FHOD3: variants seen among roughly 807,000 people sequenced by gnomAD.
FHOD3 encodes the protein formin homology 2 domain containing 3.
FHOD3 carries 90 observed loss-of-function variants against 173.0 expected under a neutral mutation model. The ratio of observed to expected loss-of-function variants is 0.52; its 90% CI spans 0.44 to 0.62. The LOEUF (loss-of-function observed/expected upper bound fraction) is 0.62. Ranked by LOEUF, FHOD3 falls within the 20% of genes least tolerant of loss-of-function variation. FHOD3 has a pLI of 0.00. For missense variants in FHOD3, 1,945 were observed against 2,034.7 expected, an observed-to-expected ratio of 0.96 and a Z score of 0.85; for synonymous variants, 828 against 823.0, an observed-to-expected ratio of 1.01 and a Z score of -0.10.
At chr18:36,776,486 T>G (rs1222316915) in intron 28 of FHOD3, among the ~76,000 whole-genome samples, 1 of 152,166 alleles carries the variant, frequency 6.6e-6, no homozygotes, top group Non-Finnish European at 1.5e-5. Context: ...GTCTTTCAAG[T>G]GGTGAGGTGA....
chr18:36,517,708 A>G (rs147237740), intron 5 of FHOD3, among the ~76,000 whole-genome samples: 62 of 152,316 alleles, frequency 4.1e-4, no homozygotes, highest in African/African-American at 1.3e-3. Context: ...ATTTAACTCA[A>G]CCTTTTCATT....
chr18:36,607,583 C>G (rs1272588786), intron 8 of FHOD3, among the ~76,000 whole-genome samples: 2 of 152,176 alleles, frequency 1.3e-5, no homozygotes, highest in African/African-American at 2.4e-5. Context: ...CCAAAAGATG[C>G]TTTTTTACTC....
At chr18:36,349,518 C>T (rs1279561065) in intron 1 of FHOD3, among the ~76,000 whole-genome samples, 2 of 152,142 alleles carry the variant, frequency 1.3e-5, no homozygotes, top group East Asian at 3.9e-4. Context: ...TAAACTATAA[C>T]CAAAATTAGT....
chr18:36,679,805 G>T (rs1254299719), intron 14 of FHOD3, among the ~76,000 whole-genome samples: 1 of 151,988 alleles, frequency 6.6e-6, no homozygotes, highest in Admixed American at 6.6e-5. Flanking sequence ...ACAATTGATG[G>T]TCAATTTTTG....
chr18:36,463,330 A>G (rs2052676314), intron 3 of FHOD3, among the ~76,000 whole-genome samples: 1 of 148,020 alleles, frequency 6.8e-6, no homozygotes, highest in Non-Finnish European at 1.5e-5. Flanking sequence ...ATATATTTTT[A>G]TTTAAAAAAA....
chr18:36,625,452 T>G, intron 9 of FHOD3, 59 bp from the exon 10 acceptor site: 91 of 1,329,656 alleles, frequency 6.8e-5, no homozygotes, highest in Non-Finnish European at 8.5e-5. Flanking sequence ...CAGTCACACC[T>G]GAGGTCTGTG....
intron 9 of FHOD3, among the ~76,000 whole-genome samples, chr18:36,622,127 A>G (rs2148753031): frequency 6.6e-6 from 1 of 152,344 alleles, no homozygotes; most frequent in Non-Finnish European, 1.5e-5. Context: ...TGAGGTATCT[A>G]AAATAGACTC....
chr18:36,378,916 C>T (rs2047593908), intron 3 of FHOD3, among the ~76,000 whole-genome samples: 1 of 152,126 alleles, frequency 6.6e-6, no homozygotes, highest in Non-Finnish European at 1.5e-5. Context: ...AATTCCTGAC[C>T]TCAGGCGATC....
At chr18:36,660,363 CA>C (rs1024800055) in intron 14 of FHOD3, among the ~76,000 whole-genome samples, 1 of 152,002 alleles carries the variant, frequency 6.6e-6, no homozygotes, top group African/African-American at 2.4e-5. Flanking sequence ...TGGAGCTGTT[CA>C]AGTTTGGAAA....
intron 27 of FHOD3, among the ~76,000 whole-genome samples, chr18:36,763,157 TTA>T (rs1358203199): frequency 5.4e-5 from 8 of 147,648 alleles, no homozygotes; most frequent in Middle Eastern, 5.7e-3. Context: ...ATTATACACG[TTA>T]TATATATGTG....
intron 1 of FHOD3, among the ~76,000 whole-genome samples, chr18:36,348,390 C>T (rs1373745976): frequency 6.6e-6 from 1 of 152,116 alleles, no homozygotes; most frequent in Non-Finnish European, 1.5e-5. Context: ...TCAAGCTGGC[C>T]CTGGAGAGAG....
chr18:36,437,851 A>T (rs2050903029), intron 3 of FHOD3, among the ~76,000 whole-genome samples: 1 of 151,804 alleles, frequency 6.6e-6, no homozygotes, highest in Non-Finnish European at 1.5e-5. Flanking sequence ...TTTAGTAGAG[A>T]TGGGATTTCA....
intron 5 of FHOD3, among the ~76,000 whole-genome samples, chr18:36,543,478 C>T (rs2057302222): frequency 6.6e-6 from 1 of 152,130 alleles, no homozygotes; most frequent in African/African-American, 2.4e-5. Flanking sequence ...TATATGTCCC[C>T]TTCTTTTGTC....
At chr18:36,639,009 A>G (rs1344954439) in intron 10 of FHOD3, among the ~76,000 whole-genome samples, 1 of 152,184 alleles carries the variant, frequency 6.6e-6, no homozygotes, top group East Asian at 1.9e-4. Flanking sequence ...CTTCCATTCC[A>G]GTGTATTTTC....
At chr18:36,397,391 C>T (rs547934586) in intron 3 of FHOD3, among the ~76,000 whole-genome samples, 2 of 152,040 alleles carry the variant, frequency 1.3e-5, no homozygotes, top group South Asian at 4.2e-4. Context: ...TTGTTTTTAC[C>T]CATTTGTATT....
intron 5 of FHOD3, among the ~76,000 whole-genome samples, chr18:36,521,369 G>A (rs1012700307): frequency 4.6e-5 from 7 of 152,026 alleles, no homozygotes; most frequent in Admixed American, 1.3e-4. Context: ...CATCTCCATT[G>A]CACCATGCCC....
intron 24 of FHOD3, 48 bp from the exon 25 acceptor site, chr18:36,755,067 ATTTT>A (rs2042571731): frequency 8.0e-7 from 1 of 1,248,412 alleles, no homozygotes; most frequent in Non-Finnish European, 1.1e-6. Flanking sequence ...TAGACAAGTA[ATTTT>A]TATTTCTTAA....
At chr18:36,621,913 C>T (rs906288781) in intron 9 of FHOD3, among the ~76,000 whole-genome samples, 2 of 152,168 alleles carry the variant, frequency 1.3e-5, no homozygotes, top group African/African-American at 4.8e-5. Context: ...GCACTAGTCA[C>T]AATAGCCAAG....
chr18:36,413,271 C>T (rs552576929), intron 3 of FHOD3, among the ~76,000 whole-genome samples: 9 of 152,290 alleles, frequency 5.9e-5, no homozygotes, highest in East Asian at 5.8e-4. Flanking sequence ...GCTCATTTTC[C>T]GGGTGCGCAG....
Sources: allele counts gnomAD v4.1 joint callset (sites outside exome capture counted in the v4.1 genomes callset), GRCh38; gene constraint gnomAD v4.1.1; transcripts MANE v1.5; gene names NCBI Gene and HGNC (gene_info 2026-07-23, HGNC 2026-07-21).